MXD3: variants seen among roughly 807,000 people sequenced by gnomAD.
MXD3 encodes the protein Max-associated protein 3.
MXD3 carries 20 observed loss-of-function variants against 27.5 expected under a neutral mutation model. The ratio of observed to expected loss-of-function variants is 0.73; its 90% CI spans 0.51 to 1.06. The LOEUF is 1.06. Among genes scored for constraint, MXD3 ranks in the 50% least tolerant of loss-of-function variants. The pLI is 0.00. For synonymous variants in MXD3, 150 were observed against 130.7 expected (o/e 1.15, Z -1.01); for missense variants, 298 against 291.3 (o/e 1.02, Z -0.17).
At chr5:177,308,082 G>A in intron 4 of MXD3, 118 bp from the exon 5 acceptor site, 1 of 1,017,818 alleles carries the variant, frequency 9.8e-7, no homozygotes, top group Non-Finnish European at 1.4e-6. Flanking sequence ...CGGGCAGGTG[G>A]CGACTAAATC....
downstream of MXD3, chr5:177,306,970 C>A: frequency 8.2e-7 from 1 of 1,224,394 alleles, no homozygotes; most frequent in South Asian, 1.7e-5. Context: ...GCTCTGGAGT[C>A]GGAAGGCTCT....
Position 177,307,608 on chromosome 5 carries a change from C to G in MXD3, c.601G>C (p.Gly201Arg). 6.2e-7 allele frequency: 1 copy of G among 1,612,922 alleles called. No homozygotes were observed. ...GAACATCATAGCCAGGCGCCGCCGC[C>G]GTGCGAGTAGCTGTGCTCCTGGCCG... is the stretch of plus-strand genomic sequence containing the variant. ...VAGQEHSYSH[G>R]GGAWL Residue 201 changes from glycine to arginine, a missense_variant, in exon 6 of 6, where the codon GGC becomes CGC. Coordinates refer to ENST00000439742, the MANE Select transcript of MXD3 (RefSeq NM_031300.4).
chr5:177,310,932 A>C (rs1227775964), intron 2 of MXD3: 1 of 599,606 alleles, frequency 1.7e-6, no homozygotes, highest in African/African-American at 1.9e-5. Context: ...GGCCCTAACA[A>C]GGGCGCCTGC....
At chr5:177,307,121 A>G (rs1445992133), downstream of MXD3, 5 of 1,514,290 alleles carry the variant, frequency 3.3e-6, no homozygotes, top group Non-Finnish European at 4.4e-6. Flanking sequence ...CAACAGTGTC[A>G]GTGATGGGAA....
chr5:177,312,279 G>T, upstream of MXD3: 1 of 986,736 alleles, frequency 1.0e-6, no homozygotes, highest in South Asian at 4.6e-5. Context: ...GCCGCTGCAC[G>T]TGGGTGCCGC....
chr5:177,311,610 C>G (rs1761041801), intron 1 of MXD3, 126 bp from the exon 2 acceptor site: 1 of 1,147,792 alleles, frequency 8.7e-7, no homozygotes, highest in African/African-American at 1.6e-5. Context: ...CGTCCCTGCT[C>G]TACCGCCCCG....
rs1760924270 is a variant in MXD3, at chr5:177,307,777, T to A, written c.505+4A>T. ...ACACAACCCCTCAGCCTCGGGGCAC[T>A]CACCTTGGTCTGAGTCTGAGCGCTC... On this transcript the variant is annotated splice_donor_region_variant and intron_variant, in intron 5 of 5. Transcript: ENST00000439742. The A allele has an allele frequency of 2.5e-6, 4 of 1,612,948 alleles. No individual in the cohort carries two copies. Among genetic ancestry groups the A allele is most frequent in the Non-Finnish European group, 3.4e-6 (4 of 1,179,722 alleles).
chr5:177,308,330 G>A (rs1202437862), intron 4 of MXD3, among the ~76,000 whole-genome samples: 1 of 152,146 alleles, frequency 6.6e-6, no homozygotes, highest in Non-Finnish European at 1.5e-5. Context: ...GTGCTGTCAT[G>A]GGAAACAGGC....
intron 4 of MXD3, chr5:177,308,212 T>G: frequency 1.9e-6 from 1 of 539,308 alleles, no homozygotes; most frequent in Non-Finnish European, 3.3e-6. Context: ...CTCAAAGGCA[T>G]TTGGGGCCTA....
At chr5:177,311,971 C>T, upstream of MXD3, 1 of 1,325,734 alleles carries the variant, frequency 7.5e-7, no homozygotes, top group African/African-American at 1.5e-5. Flanking sequence ...CGCGGGAACG[C>T]CCAGCCCTTG....
downstream of MXD3, chr5:177,307,115 AGT>A (rs1210635138): frequency 1.3e-6 from 2 of 1,504,984 alleles, no homozygotes; most frequent in African/African-American, 2.8e-5. Flanking sequence ...CACGGCCAAC[AGT>A]GTCAGTGATG....
chr5:177,312,347 T>G (rs1046049451), upstream of MXD3: 1 of 985,724 alleles, frequency 1.0e-6, no homozygotes, highest in Non-Finnish European at 1.2e-6. Context: ...CAAGGATCGC[T>G]GTTGTCATCC....
downstream of MXD3, chr5:177,307,057 G>T: frequency 6.9e-7 from 1 of 1,455,646 alleles, no homozygotes; most frequent in Admixed American, 2.8e-5. Flanking sequence ...CATCCGTGAA[G>T]TGGAGACAGA....
At chr5:177,306,157 T>C (rs142286307), downstream of MXD3, 297 of 1,613,866 alleles carry the variant, frequency 1.8e-4, no homozygotes, top group Admixed American at 7.7e-4. Flanking sequence ...GTTTTGAATA[T>C]ATCTTGGCTA....
At chr5:177,311,252 G>A in intron 2 of MXD3, 127 bp downstream of exon 2, 1 of 556,948 alleles carries the variant, frequency 1.8e-6, no homozygotes, top group Non-Finnish European at 3.1e-6. Flanking sequence ...ATGGCAGGAG[G>A]GGTCTGAACG....
rs1343965286 is a variant in MXD3, at chr5:177,307,570, C to T, written c.*18G>A. ...CTGGCACGAGTAGAGGGCAGAGGCC[C>T]GCCCTGGGTGAGGAACATCATAGCC... On this transcript the variant is annotated 3_prime_UTR_variant, in exon 6 of 6. Transcript: ENST00000439742. 1.6e-5 allele frequency: 25 copies of T among 1,610,458 alleles called. No homozygotes were observed. Among genetic ancestry groups the T allele is most frequent in the Middle Eastern group, 1.6e-4 (1 of 6,078 alleles).
chr5:177,309,106 T>G (rs998750349), intron 4 of MXD3, among the ~76,000 whole-genome samples: 1 of 152,232 alleles, frequency 6.6e-6, no homozygotes, highest in African/African-American at 2.4e-5. Context: ...ATTCAGCTTC[T>G]GTGGGGCACA....
rs1760920218 is a variant in MXD3 at position 177,307,672 on chromosome 5, C to T, written c.537G>A (p.Val179=). Residue 179 remains valine, a synonymous_variant, in exon 6 of 6, where the codon GTG becomes GTA. Coordinates refer to ENST00000439742, the MANE Select transcript of MXD3 (RefSeq NM_031300.4). The stretch of plus-strand genomic sequence containing the variant: ...GCAGCAGCTCGGCCTCACCCCCAAA[C>T]ACCAGGCTCTCCACATCCACCTCCA... ...EELEVDVESL[V]FGGEAELLRG... 2 of 1,613,676 alleles carry T rather than the reference C, an allele frequency of 1.2e-6. No individual in the cohort carries two copies. Among genetic ancestry groups the T allele is most frequent in the Admixed American group, 3.3e-5 (2 of 60,030 alleles).
In MXD3 at chr5:177,307,354, G is replaced by C; in HGVS notation, c.*234C>G. 1 of 1,523,950 alleles carries C rather than the reference G, an allele frequency of 6.6e-7. No homozygotes were observed. The highest frequency in any genetic ancestry group is 8.9e-7 in the Non-Finnish European group (1 of 1,124,860). The allele number at this position is 1,523,950 out of a possible 1,614,324, so 94.4% of individuals were successfully genotyped here. ...AAATGCTTGGGCTCGGGCCCAAGCTGCCTGCCCTGCAGGGGTCCAGGGAGG... is the reference window on the plus strand; with the variant it reads ...AAATGCTTGGGCTCGGGCCCAAGCTCCCTGCCCTGCAGGGGTCCAGGGAGG... On this transcript the variant is annotated 3_prime_UTR_variant, in exon 6 of 6. Transcript: ENST00000439742.
Sources: gnomAD v4.1 joint callset for allele counts (sites outside exome capture counted in the v4.1 genomes callset) on GRCh38, gnomAD v4.1.1 for gene constraint, MANE v1.5 for transcripts, NCBI Gene and HGNC (gene_info 2026-07-23, HGNC 2026-07-21) for gene names.